Variants in CTNNA3 observed in about 807,000 individuals in gnomAD.
CTNNA3 encodes the protein catenin alpha-3.
A neutral mutation model predicts 95.7 loss-of-function variants in CTNNA3; 76 were observed. The ratio of observed to expected loss-of-function variants is 0.79; its 90% CI spans 0.66 to 0.96. The LOEUF (loss-of-function observed/expected upper bound fraction) is 0.96. CTNNA3 is among the 40% of genes least tolerant of loss of function. The pLI is 0.00. For missense variants in CTNNA3, 1,191 were observed against 1,089.8 expected, an observed-to-expected ratio of 1.09 and a Z score of -1.31; for synonymous variants, 431 against 374.4, an observed-to-expected ratio of 1.15 and a Z score of -1.74.
chr10:66,337,655 C>A (rs961752494), intron 12 of CTNNA3, among the ~76,000 whole-genome samples: 2 of 152,034 alleles, frequency 1.3e-5, no homozygotes, highest in South Asian at 2.1e-4. Context: ...AGCTGATCAA[C>A]ATCAAAAGTA....
intron 11 of CTNNA3, among the ~76,000 whole-genome samples, chr10:66,516,827 T>C (rs770424810): frequency 2.0e-5 from 3 of 152,194 alleles, no homozygotes; most frequent in Non-Finnish European, 4.4e-5. Context: ...GCCAGCTTCT[T>C]TTTCCGTTTT....
chr10:66,322,469 G>T (rs2092202316), intron 12 of CTNNA3, among the ~76,000 whole-genome samples: 1 of 152,080 alleles, frequency 6.6e-6, no homozygotes, highest in Non-Finnish European at 1.5e-5. Context: ...TCAAAGTTCA[G>T]TTGGAGGAGG....
At chr10:66,389,574 G>A (rs2092919815) in intron 11 of CTNNA3, among the ~76,000 whole-genome samples, 1 of 152,010 alleles carries the variant, frequency 6.6e-6, no homozygotes, top group African/African-American at 2.4e-5. Flanking sequence ...AGGAATTGAT[G>A]TTTTACTAAA....
chr10:67,601,432 A>T (rs1843080551), intron 3 of CTNNA3, among the ~76,000 whole-genome samples: 1 of 152,104 alleles, frequency 6.6e-6, no homozygotes, highest in South Asian at 2.1e-4. Context: ...GCCGCAGCTG[A>T]TCTGTCAGGA....
chr10:66,059,160 G>T (rs984477913), intron 15 of CTNNA3, among the ~76,000 whole-genome samples: 1 of 152,010 alleles, frequency 6.6e-6, no homozygotes, highest in African/African-American at 2.4e-5. Flanking sequence ...TCAGAGGGGG[G>T]AGTATCAGGA....
intron 3 of CTNNA3, among the ~76,000 whole-genome samples, chr10:67,560,592 T>C (rs969040450): frequency 4.6e-5 from 7 of 152,146 alleles, no homozygotes; most frequent in African/African-American, 1.4e-4. Context: ...ACGAGGAAAA[T>C]AGGCAGCTAA....
chr10:66,438,167 C>T (rs1418107640), intron 11 of CTNNA3, among the ~76,000 whole-genome samples: 4 of 152,158 alleles, frequency 2.6e-5, no homozygotes. Context: ...AGTCAGGAGG[C>T]ACCGGGTTCA....
intron 12 of CTNNA3, among the ~76,000 whole-genome samples, chr10:66,311,883 G>A (rs2092026472): frequency 2.0e-5 from 3 of 152,114 alleles, no homozygotes; most frequent in Non-Finnish European, 1.5e-5. Flanking sequence ...TAGATGATAA[G>A]ACTTTTTAAA....
At chr10:67,461,798 ATG>A (rs891948958) in intron 5 of CTNNA3, among the ~76,000 whole-genome samples, 2 of 152,172 alleles carry the variant, frequency 1.3e-5, no homozygotes, top group African/African-American at 2.4e-5. Flanking sequence ...AACATCATGT[ATG>A]TTTCATTAAA....
At chr10:66,482,834 A>G (rs773981283) in intron 11 of CTNNA3, among the ~76,000 whole-genome samples, 12 of 152,160 alleles carry the variant, frequency 7.9e-5, no homozygotes, top group Non-Finnish European at 1.5e-4. Context: ...TGTTGATGAT[A>G]TTTAAACACA....
At chr10:66,822,170 T>C (rs1842326571) in intron 7 of CTNNA3, among the ~76,000 whole-genome samples, 1 of 150,506 alleles carries the variant, frequency 6.6e-6, no homozygotes, top group Admixed American at 6.6e-5. Context: ...ATGTTTATAT[T>C]ATATATTTTA....
At chr10:67,697,875 C>T (rs529831809), upstream of CTNNA3, among the ~76,000 whole-genome samples, 4 of 152,288 alleles carry the variant, frequency 2.6e-5, no homozygotes, top group African/African-American at 9.6e-5. Context: ...TTGTTGATCA[C>T]AGGCCCCATG....
At chr10:66,128,957 A>G (rs1004340854) in intron 13 of CTNNA3, among the ~76,000 whole-genome samples, 2 of 151,296 alleles carry the variant, frequency 1.3e-5, no homozygotes, top group African/African-American at 4.9e-5. Context: ...TGTTTAAAAA[A>G]AAAACAAAAA....
intron 11 of CTNNA3, among the ~76,000 whole-genome samples, chr10:66,487,256 C>T (rs1316713305): frequency 8.5e-6 from 1 of 117,560 alleles, no homozygotes; most frequent in Non-Finnish European, 1.6e-5. Flanking sequence ...GGCTGGAGTG[C>T]GGTGGCGCGA....
intron 10 of CTNNA3, among the ~76,000 whole-genome samples, chr10:66,591,801 C>T (rs1042217772): frequency 1.3e-5 from 2 of 152,026 alleles, no homozygotes; most frequent in Admixed American, 6.6e-5. Context: ...AGAAATAATA[C>T]AACACTCCAA....
intron 5 of CTNNA3, among the ~76,000 whole-genome samples, chr10:67,513,183 C>T (rs1249942214): frequency 6.6e-6 from 1 of 152,130 alleles, no homozygotes; most frequent in Non-Finnish European, 1.5e-5. Flanking sequence ...AACAAGGTTC[C>T]TACAGACTCA....
chr10:67,431,868 T>A (rs540140605), intron 5 of CTNNA3, among the ~76,000 whole-genome samples: 126 of 152,030 alleles, frequency 8.3e-4, no homozygotes, highest in Non-Finnish European at 1.4e-3. Context: ...ATCCCATAAT[T>A]CAAAATGGAA....
intron 5 of CTNNA3, among the ~76,000 whole-genome samples, chr10:67,420,841 T>C (rs1386851028): frequency 6.6e-6 from 1 of 152,162 alleles, no homozygotes; most frequent in Non-Finnish European, 1.5e-5. Flanking sequence ...ATTATTGATA[T>C]TAATACGTAT....
At chr10:67,649,479 T>C (rs1839815861) in intron 1 of CTNNA3, among the ~76,000 whole-genome samples, 2 of 152,244 alleles carry the variant, frequency 1.3e-5, no homozygotes, top group African/African-American at 4.8e-5. Context: ...ATCTTTTAAG[T>C]CTGTGTTCAT....
Sources: gnomAD v4.1 joint callset for allele counts (sites outside exome capture counted in the v4.1 genomes callset) on GRCh38, gnomAD v4.1.1 for gene constraint, MANE v1.5 for transcripts, NCBI Gene and HGNC (gene_info 2026-07-23, HGNC 2026-07-21) for gene names.